The following SMIM8 variants were observed in gnomAD, a reference collection of about 807,000 sequenced individuals.
The protein encoded by SMIM8 is UPF0708 protein C6orf162.
SMIM8 carries 8 observed loss-of-function variants against 8.1 expected under a neutral mutation model. That is an observed-to-expected ratio of 0.99 (90% CI 0.58 to 1.78). The LOEUF (loss-of-function observed/expected upper bound fraction) is 1.78, where lower values mean the gene tolerates loss of function less well. Among genes scored for constraint, SMIM8 ranks in the 40% most tolerant of loss-of-function variants. The pLI is 0.00. For synonymous variants in SMIM8, 45 were observed against 39.7 expected, an observed-to-expected ratio of 1.13 and a Z score of -0.50; for missense variants, 126 against 119.8, an observed-to-expected ratio of 1.05 and a Z score of -0.24.
chr6:87,325,762 A>G (rs1376389945), intron 1 of SMIM8, among the ~76,000 whole-genome samples: 3 of 152,226 alleles, frequency 2.0e-5, no homozygotes, highest in Non-Finnish European at 4.4e-5. Flanking sequence ...CTTTCATATC[A>G]GGATGATGCT....
chr6:87,332,298 T>C (rs72918510), intron 2 of SMIM8, among the ~76,000 whole-genome samples: 7,569 of 142,026 alleles, frequency 0.053, 254 homozygotes, highest in Non-Finnish European at 0.08. Context: ...CTCTTTCTCT[T>C]TCTCCTCCTC....
In SMIM8 at chr6:87,330,727, A is replaced by T. The variant is rs1776974915; in HGVS notation, c.-24+15A>T. The stretch of plus-strand genomic sequence containing the variant: ...AGAAGAAAAAGGTAAAGAACATTTT[A>T]CCAGAGAGAAACAAATGAAGCAAAT... On this transcript the variant is annotated intron_variant, in intron 2 of 3. Transcript: ENST00000392863. The T allele has an allele frequency of 6.6e-6, 1 of 152,166 alleles. No individual in the cohort carries two copies. Among genetic ancestry groups the T allele is most frequent in the Non-Finnish European group, 1.5e-5 (1 of 68,026 alleles). 9.4% of individuals were successfully genotyped at this position (152,166 alleles called of 1,614,324 possible).
intron 1 of SMIM8, among the ~76,000 whole-genome samples, chr6:87,328,542 C>T (rs565156070): frequency 1.3e-5 from 2 of 150,394 alleles, no homozygotes; most frequent in Non-Finnish European, 2.9e-5. Context: ...CTGCTGGAGG[C>T]TGCCTCCCAG....
chr6:87,331,572 A>G (rs1249416687), intron 2 of SMIM8, among the ~76,000 whole-genome samples: 1 of 152,238 alleles, frequency 6.6e-6, no homozygotes, highest in African/African-American at 2.4e-5. Flanking sequence ...ACAAATACAG[A>G]AGAATTTTCT....
At chr6:87,328,842 T>C (rs912002542) in intron 1 of SMIM8, among the ~76,000 whole-genome samples, 68 of 152,132 alleles carry the variant, frequency 4.5e-4, no homozygotes, top group African/African-American at 1.3e-3. Flanking sequence ...CGGGCGCCCC[T>C]CCCCCAGCCT....
chr6:87,336,263 C>G (rs1379874329), intron 2 of SMIM8, among the ~76,000 whole-genome samples: 2 of 152,188 alleles, frequency 1.3e-5, no homozygotes, highest in East Asian at 3.9e-4. Flanking sequence ...TAAGCTTTTG[C>G]CTAATAATAC....
rs554628565 is a variant in SMIM8 at position 87,339,413 on chromosome 6, CGTGT to C, written c.136-684_136-681del. ...ACCTCTTAACAACAACAAAACACAG[CGTGT>C]GTGTGTGTGTGTGTGTGTTTGTGTG... On this transcript the variant is annotated intron_variant, in intron 3 of 3. Transcript: ENST00000392863. Among the ~76,000 whole-genome samples the C allele has an allele frequency of 7.6e-4, 67 of 88,476 alleles. 1 individual carries two copies. Among genetic ancestry groups the C allele is most frequent in the South Asian group, 3.4e-3 (8 of 2,338 alleles). The allele number at this position is 88,476 out of a possible 152,430, so 58.0% of individuals were successfully genotyped here. A position where few individuals can be genotyped will look rare whatever the true frequency, so the allele number is the denominator to read the frequency against.
intron 3 of SMIM8, among the ~76,000 whole-genome samples, chr6:87,337,870 C>G (rs1777146610): frequency 6.6e-6 from 1 of 152,144 alleles, no homozygotes; most frequent in African/African-American, 2.4e-5. Context: ...TTAAGCGATT[C>G]TCCCACCTCA....
chr6:87,337,062 A>G lies in SMIM8; in HGVS notation c.31A>G (p.Lys11Glu). 1 of 1,611,978 alleles carries G rather than the reference A, an allele frequency of 6.2e-7. No individual in the cohort carries two copies. ...TTCAGCACCTGAGCCTCCAACATTC[A>G]AAAAGGAACCACCCAAAGAGAAAGA... MSSAPEPPTF[K>E]KEPPKEKEFQ... The change falls in exon 3 of 4, where the codon AAA becomes GAA. Residue 11 changes from lysine (K) to glutamate (E), a missense_variant. By Grantham distance (56) the Lys-to-Glu change is moderately conservative. Transcript: ENST00000392863.
chr6:87,335,592 T>C lies in SMIM8; in HGVS notation c.-23-1417T>C, dbSNP rs145212159. 4.7e-3 allele frequency among the ~76,000 whole-genome samples: 717 copies of C among 152,260 alleles called. 1 individual carries two copies. The highest frequency in any genetic ancestry group is 0.01 in the Middle Eastern group (3 of 294). On this transcript the variant is annotated intron_variant, in intron 2 of 3. Transcript: ENST00000392863. ...ATGATATAGATGAACATTCAGCGAC[T>C]ACTGCAACACAAAGTATTTTGAAAA...
At position 87,337,179 on chromosome 6, in the gene SMIM8, T is replaced by C; in HGVS notation, c.135+13T>C. On this transcript the variant is annotated intron_variant, in intron 3 of 3. Transcript: ENST00000392863. ...CTTCATTAAACCTGTAAGAAATACA[T>C]CCAGGATAAGACTTTGTGTTTAATC... The C allele has an allele frequency of 6.2e-7, 1 of 1,602,646 alleles. No homozygotes were observed. The highest frequency in any genetic ancestry group is 2.2e-5 in the East Asian group (1 of 44,702).
intron 2 of SMIM8, among the ~76,000 whole-genome samples, chr6:87,332,320 C>CATATATATATAT (rs1209129014): frequency 1.4e-4 from 13 of 93,106 alleles, no homozygotes; most frequent in African/African-American, 5.7e-4. Flanking sequence ...CCTCCCCCCC[C>CATATATATATAT]ATATATGTAT....
At chr6:87,324,283 AT>A (rs1025235885) in intron 1 of SMIM8, among the ~76,000 whole-genome samples, 9 of 152,180 alleles carry the variant, frequency 5.9e-5, no homozygotes, top group Admixed American at 2.0e-4. Flanking sequence ...ATTAGATCCT[AT>A]TTGTCAATTT....
At position 87,339,824 on chromosome 6, in the gene SMIM8, C is replaced by A. The variant is rs577880803; in HGVS notation, c.136-292C>A. Among the ~76,000 whole-genome samples the A allele has an allele frequency of 3.8e-4, 58 of 152,200 alleles. 1 individual carries two copies. In the South Asian group the frequency reaches 0.012, roughly 31 times the overall value. ...TCCGGGTGCTGACCAGTTTTCCTGC[C>A]CCACTCCTTTCCCAGCTGTCACCTT... On this transcript the variant is annotated intron_variant, in intron 3 of 3. Transcript: ENST00000392863.
At chr6:87,332,193 C>T (rs986184693) in intron 2 of SMIM8, among the ~76,000 whole-genome samples, 9 of 151,810 alleles carry the variant, frequency 5.9e-5, no homozygotes, top group Non-Finnish European at 1.3e-4. Flanking sequence ...TTTTTACAGA[C>T]ATATTTCATA....
intron 1 of SMIM8, among the ~76,000 whole-genome samples, chr6:87,327,581 C>G (rs1242388142): frequency 6.7e-6 from 1 of 150,130 alleles, no homozygotes; most frequent in East Asian, 1.9e-4. Context: ...TGAATATTGG[C>G]CCCCACTCTC....
intron 1 of SMIM8, among the ~76,000 whole-genome samples, chr6:87,330,037 A>T (rs1454405203): frequency 3.3e-5 from 5 of 152,216 alleles, no homozygotes; most frequent in Non-Finnish European, 5.9e-5. Flanking sequence ...TATAAGTAGC[A>T]AAGTGAGAAT....
intron 1 of SMIM8, among the ~76,000 whole-genome samples, chr6:87,324,965 C>G (rs1290732175): frequency 6.6e-6 from 1 of 152,010 alleles, no homozygotes; most frequent in Non-Finnish European, 1.5e-5. Flanking sequence ...GTTTGTAGTT[C>G]TCCTTGAAGA....
rs1777128653 is a variant in SMIM8, at chr6:87,337,045, C to T, written c.14C>T (p.Pro5Leu). ...TCATTGATCAAGATGTCTTCAGCAC[C>T]TGAGCCTCCAACATTCAAAAAGGAA... Reference protein sequence around the residue: MSSAPEPPTFKKEPP... With the variant: MSSALEPPTFKKEPP... Residue 5 changes from proline (P) to leucine (L), a missense_variant, in exon 3 of 4, where the codon CCT becomes CTT. Coordinates refer to ENST00000392863, the MANE Select transcript of SMIM8 (RefSeq NM_001042493.3). 6.2e-7 allele frequency: 1 copy of T among 1,610,982 alleles called. No homozygotes were observed. Among genetic ancestry groups the T allele is most frequent in the Non-Finnish European group, 8.5e-7 (1 of 1,178,482 alleles).
Sources: gnomAD v4.1 joint callset for allele counts (sites outside exome capture counted in the v4.1 genomes callset) on GRCh38, gnomAD v4.1.1 for gene constraint, MANE v1.5 for transcripts, NCBI Gene and HGNC (gene_info 2026-07-23, HGNC 2026-07-21) for gene names.